DPY19L4: variants seen among roughly 807,000 people sequenced by gnomAD.
DPY19L4 encodes the protein probable C-mannosyltransferase DPY19L4.
In DPY19L4, 97 loss-of-function variants were observed where a neutral mutation model predicts 102.8. The ratio of observed to expected loss-of-function variants is 0.94; its 90% confidence interval spans 0.80 to 1.12. DPY19L4 has a LOEUF of 1.12. Ranked by LOEUF, DPY19L4 falls within the 50% of genes most tolerant of loss-of-function variation. The pLI, the probability that DPY19L4 is intolerant of heterozygous loss-of-function variation, is 0.00. For missense variants in DPY19L4, 815 were observed against 850.4 expected (o/e 0.96, Z 0.52); for synonymous variants, 252 against 283.1 (o/e 0.89, Z 1.10).
intron 1 of DPY19L4, among the ~76,000 whole-genome samples, chr8:94,726,032 G>C (rs566411825): frequency 1.3e-5 from 2 of 152,272 alleles, no homozygotes; most frequent in Admixed American, 1.3e-4. Flanking sequence ...TTGACCCCCA[G>C]TTTGGAAAAG....
rs200013383 is a variant in DPY19L4, at chr8:94,739,665, T to C, written c.486T>C (p.Tyr162=). The stretch of plus-strand genomic sequence containing the variant: ...CATAGGAGATTATTGAGCCAGTGTA[T>C]TTCTATATTGGCATTGTTTTTGGAT... The part of the protein sequence containing the change: ...TGSNEIIEPV[Y]FYIGIVFGLQ... Residue 162 remains tyrosine, a synonymous_variant, in exon 6 of 19, where the codon TAT becomes TAC. Coordinates refer to ENST00000414645, the MANE Select transcript of DPY19L4 (RefSeq NM_181787.3). 1 of 1,614,158 alleles carries C rather than the reference T, an allele frequency of 6.2e-7. No homozygotes were observed. Among genetic ancestry groups the C allele is most frequent in the East Asian group, 2.2e-5 (1 of 44,872 alleles).
chr8:94,765,805 T>C lies in DPY19L4; in HGVS notation c.1097T>C (p.Met366Thr). 2 of 1,529,568 alleles carry C rather than the reference T, an allele frequency of 1.3e-6. No homozygotes were observed. Among genetic ancestry groups the C allele is most frequent in the Non-Finnish European group, 1.8e-6 (2 of 1,114,156 alleles). 94.7% of individuals were successfully genotyped at this position (1,529,568 alleles called of 1,614,324 possible). ...CTLTITLNII[M>T]KMFVPHKENG... ...CTGACAATAACATTGAATATTATAA[T>C]GAAGGTAAGTAACTCTCTGGGATTC... The change falls in exon 10 of 19, where the codon ATG becomes ACG. Residue 366 changes from methionine (M) to threonine (T), a missense_variant. By Grantham distance (81) the Met-to-Thr change is moderately conservative. Coordinates refer to ENST00000414645, the MANE Select transcript of DPY19L4 (RefSeq NM_181787.3).
At chr8:94,787,859 A>T (rs752813156) in intron 17 of DPY19L4, 35 bp from the exon 18 acceptor site, 4 of 1,184,250 alleles carry the variant, frequency 3.4e-6, no homozygotes, top group Non-Finnish European at 4.3e-6. Context: ...TTTTAATTAT[A>T]TTCTTTCAGT....
Position 94,793,016 on chromosome 8 carries a change from G to T in DPY19L4, c.*3106G>T, listed in dbSNP as rs1224958030. On this transcript the variant is annotated 3_prime_UTR_variant, in exon 19 of 19. Transcript: ENST00000414645. ...TTTCTGACTTTGGCATCTGTATCTT[G>T]GTGCTTTCTGTTAGACTGGTAGAGT... The T allele has an allele frequency of 1.3e-5, 2 of 152,130 alleles. No homozygotes were observed. The highest frequency in any genetic ancestry group is 2.9e-5 in the Non-Finnish European group (2 of 68,028). 9.4% of individuals were successfully genotyped at this position (152,130 alleles called of 1,614,324 possible). A position where few individuals can be genotyped will look rare whatever the true frequency, so the allele number is the denominator to read the frequency against.
In DPY19L4 at chr8:94,719,970, C is replaced by G. The variant is rs941035203; in HGVS notation, c.-29C>G. ...GGGAGAGTCTGGGCCGCGCGGGAGC[C>G]GCAGGGCGCCCTAGCCTTCGCAGAA... On this transcript the variant is annotated 5_prime_UTR_variant, in exon 1 of 19. Coordinates refer to ENST00000414645, the MANE Select transcript of DPY19L4 (RefSeq NM_181787.3). 2.7e-6 allele frequency: 4 copies of G among 1,508,072 alleles called. No individual in the cohort carries two copies. Among genetic ancestry groups the G allele is most frequent in the Non-Finnish European group, 3.5e-6 (4 of 1,128,888 alleles). The allele number at this position is 1,508,072 out of a possible 1,614,324, so 93.4% of individuals were successfully genotyped here.
intron 13 of DPY19L4, among the ~76,000 whole-genome samples, chr8:94,771,689 G>A (rs1429056485): frequency 2.0e-5 from 3 of 152,208 alleles, no homozygotes; most frequent in African/African-American, 4.8e-5. Context: ...GCAGGTAGAG[G>A]GAATGGCATA....
At chr8:94,724,111 GT>G (rs1158448511) in intron 1 of DPY19L4, among the ~76,000 whole-genome samples, 5 of 152,176 alleles carry the variant, frequency 3.3e-5, no homozygotes, top group Non-Finnish European at 7.4e-5. Context: ...CACATTTTAT[GT>G]GACTATTCCC....
intron 12 of DPY19L4, among the ~76,000 whole-genome samples, chr8:94,769,888 C>CTT (rs368515503): frequency 1.8e-4 from 24 of 131,204 alleles, no homozygotes; most frequent in South Asian, 4.9e-4. Context: ...TTATTCTTTT[C>CTT]TTTTTTTTTT....
rs866338393 is a variant in DPY19L4 at position 94,761,835 on chromosome 8, G to C, written c.870+1G>C. ...CTTTTCAGTGGAGCAAAGTGACAAGGTATTATGGCATTTTGAAATGGTGAT... is the reference window on the plus strand; with the variant it reads ...CTTTTCAGTGGAGCAAAGTGACAAGCTATTATGGCATTTTGAAATGGTGAT... On this transcript the variant is annotated splice_donor_variant, in intron 8 of 18. Coordinates refer to ENST00000414645, the MANE Select transcript of DPY19L4 (RefSeq NM_181787.3). LOFTEE classifies it high-confidence loss of function. The C allele has an allele frequency of 6.3e-7, 1 of 1,591,418 alleles. No homozygotes were observed. The highest frequency in any genetic ancestry group is 1.2e-5 in the South Asian group (1 of 85,134).
At chr8:94,751,484 C>A (rs116776729) in intron 6 of DPY19L4, among the ~76,000 whole-genome samples, 1,800 of 150,100 alleles carry the variant, frequency 0.012, 30 homozygotes, top group African/African-American at 0.042. Context: ...TGTCTGGTTT[C>A]TTATTTATTT....
intron 6 of DPY19L4, among the ~76,000 whole-genome samples, chr8:94,752,585 CAAAAAA>C (rs370640228): frequency 0.042 from 3,327 of 80,114 alleles, 117 homozygotes; most frequent in Middle Eastern, 0.12. Flanking sequence ...GACTCCATCT[CAAAAAA>C]AAAAAAAAAA....
At chr8:94,762,917 G>A (rs904452470) in intron 8 of DPY19L4, among the ~76,000 whole-genome samples, 1 of 151,744 alleles carries the variant, frequency 6.6e-6, no homozygotes, top group Admixed American at 6.6e-5. Context: ...CCCCCAACAG[G>A]GTAGCTACTG....
intron 1 of DPY19L4, among the ~76,000 whole-genome samples, chr8:94,721,617 C>T (rs966567443): frequency 6.6e-6 from 1 of 152,014 alleles, no homozygotes; most frequent in Non-Finnish European, 1.5e-5. Context: ...CTTGTAGGTT[C>T]CTATGAGTAC....
intron 3 of DPY19L4, among the ~76,000 whole-genome samples, chr8:94,735,125 G>A (rs893314121): frequency 1.3e-5 from 2 of 152,160 alleles, no homozygotes; most frequent in African/African-American, 2.4e-5. Context: ...GTTTTTGAGG[G>A]TGTTGAAAGG....
chr8:94,788,666 C>T (rs189511731), intron 18 of DPY19L4, among the ~76,000 whole-genome samples: 17 of 152,322 alleles, frequency 1.1e-4, no homozygotes, highest in Middle Eastern at 3.4e-3. Context: ...TGTCTTCCCC[C>T]CCAGCCCCCA....
intron 16 of DPY19L4, among the ~76,000 whole-genome samples, chr8:94,783,375 T>G (rs1274361363): frequency 6.6e-6 from 1 of 152,218 alleles, no homozygotes; most frequent in African/African-American, 2.4e-5. Context: ...ATCCCCTTAC[T>G]CTGCATTATT....
chr8:94,769,479 T>C (rs1407286395), intron 12 of DPY19L4, among the ~76,000 whole-genome samples: 8 of 152,224 alleles, frequency 5.3e-5, no homozygotes, highest in African/African-American at 1.9e-4. Flanking sequence ...TTCACTAATT[T>C]ATACAAATTT....
At chr8:94,746,676 T>C (rs779622148) in intron 6 of DPY19L4, among the ~76,000 whole-genome samples, 7 of 152,178 alleles carry the variant, frequency 4.6e-5, no homozygotes, top group Non-Finnish European at 8.8e-5. Context: ...TACTTAAATA[T>C]AAAACATAAA....
At position 94,788,047 on chromosome 8, in the gene DPY19L4, G is replaced by A; in HGVS notation, c.2002G>A (p.Gly668Ser). ...TAAAGATTTATTAGACATTGCAAATGGCCACGTAAGTAACCATTTGGAAAG... is the reference window on the plus strand; with the variant it reads ...TAAAGATTTATTAGACATTGCAAATAGCCACGTAAGTAACCATTTGGAAAG... ...RVKDLLDIAN[G>S]HMVCEEGDKL... Residue 668 changes from glycine (G) to serine (S), a missense_variant, in exon 18 of 19, where the codon GGC becomes AGC. Coordinates refer to ENST00000414645, the MANE Select transcript of DPY19L4 (RefSeq NM_181787.3). 7.0e-7 allele frequency: 1 copy of A among 1,437,826 alleles called. No individual in the cohort carries two copies. The allele number at this position is 1,437,826 out of a possible 1,614,324, so 89.1% of individuals were successfully genotyped here.
Sources: allele counts gnomAD v4.1 joint callset (sites outside exome capture counted in the v4.1 genomes callset), GRCh38; gene constraint gnomAD v4.1.1; transcripts MANE v1.5; gene names NCBI Gene and HGNC (gene_info 2026-07-23, HGNC 2026-07-21).